The following AGBL4 variants were observed in gnomAD, a reference collection of about 807,000 sequenced individuals.
The protein encoded by AGBL4 is cytosolic carboxypeptidase 6.
Under a neutral mutation model 66.4 loss-of-function variants are expected in AGBL4, and 58 were observed. The ratio of observed to expected loss-of-function variants is 0.87; its 90% CI spans 0.71 to 1.09. AGBL4 has a LOEUF of 1.09. AGBL4 is among the 50% of genes least tolerant of loss of function. The pLI is 0.00. For missense variants in AGBL4, 579 were observed against 631.0 expected, an observed-to-expected ratio of 0.92 and a Z score of 0.88; for synonymous variants, 234 against 222.9, an observed-to-expected ratio of 1.05 and a Z score of -0.44.
At chr1:48,844,286 T>G (rs1307061140) in intron 6 of AGBL4, among the ~76,000 whole-genome samples, 1 of 152,144 alleles carries the variant, frequency 6.6e-6, no homozygotes, top group Non-Finnish European at 1.5e-5. Context: ...TATCCCTCAG[T>G]CCTACATCTC....
chr1:49,497,714 G>T (rs1019233767), intron 3 of AGBL4, among the ~76,000 whole-genome samples: 1 of 151,918 alleles, frequency 6.6e-6, no homozygotes, highest in Non-Finnish European at 1.5e-5. Flanking sequence ...GTTTATTTCT[G>T]GGTTCACTCT....
chr1:49,016,736 G>C (rs1276348615), intron 5 of AGBL4, among the ~76,000 whole-genome samples: 1 of 152,206 alleles, frequency 6.6e-6, no homozygotes, highest in Non-Finnish European at 1.5e-5. Context: ...TGACAGCAGG[G>C]ATCTGCCTTC....
At chr1:48,797,602 T>C (rs1200348219) in intron 6 of AGBL4, among the ~76,000 whole-genome samples, 1 of 152,150 alleles carries the variant, frequency 6.6e-6, no homozygotes, top group East Asian at 1.9e-4. Context: ...TATACCACAT[T>C]ATCTTTTTTT....
At chr1:49,128,645 A>C (rs966842543) in intron 4 of AGBL4, among the ~76,000 whole-genome samples, 1 of 152,096 alleles carries the variant, frequency 6.6e-6, no homozygotes, top group Non-Finnish European at 1.5e-5. Context: ...CGATGATGCT[A>C]GAACAACTGG....
intron 1 of AGBL4, among the ~76,000 whole-genome samples, chr1:49,909,160 C>T (rs1299650049): frequency 5.9e-5 from 9 of 152,242 alleles, no homozygotes; most frequent in Non-Finnish European, 1.0e-4. Flanking sequence ...ACTTACTTCC[C>T]TATGCCTTAT....
chr1:48,890,985 G>A (rs1055018866), intron 5 of AGBL4, among the ~76,000 whole-genome samples: 1 of 152,186 alleles, frequency 6.6e-6, no homozygotes, highest in Non-Finnish European at 1.5e-5. Flanking sequence ...TCCTGGGATC[G>A]TGGCGAAGTG....
chr1:49,697,145 A>C, intron 3 of AGBL4, 168 bp downstream of exon 3: 1 of 654,894 alleles, frequency 1.5e-6, no homozygotes. Context: ...AACAAAAGTC[A>C]ACATATTGTA....
intron 5 of AGBL4, among the ~76,000 whole-genome samples, chr1:48,930,487 T>C (rs1384961958): frequency 6.6e-6 from 1 of 152,116 alleles, no homozygotes; most frequent in Non-Finnish European, 1.5e-5. Context: ...GCAACCTAGA[T>C]AGCCAATACC....
At chr1:48,962,139 A>G (rs537155759) in intron 5 of AGBL4, among the ~76,000 whole-genome samples, 8 of 145,496 alleles carry the variant, frequency 5.5e-5, no homozygotes, top group Non-Finnish European at 1.2e-4. Flanking sequence ...CCATCCATCC[A>G]TCATCCATCC....
intron 9 of AGBL4, among the ~76,000 whole-genome samples, chr1:48,613,854 A>G (rs1645277800): frequency 6.6e-6 from 1 of 152,228 alleles, no homozygotes; most frequent in Admixed American, 6.5e-5. Flanking sequence ...TAACCACAAT[A>G]ATACAGCACA....
At chr1:49,091,055 C>T (rs930381522) in intron 4 of AGBL4, among the ~76,000 whole-genome samples, 1 of 151,996 alleles carries the variant, frequency 6.6e-6, no homozygotes, top group African/African-American at 2.4e-5. Flanking sequence ...TGAAGCTGGA[C>T]CTCTTCCTTA....
chr1:49,081,024 C>T (rs775525501), intron 4 of AGBL4, among the ~76,000 whole-genome samples: 44 of 152,120 alleles, frequency 2.9e-4, no homozygotes, highest in Non-Finnish European at 6.2e-4. Context: ...GGAAACTTCT[C>T]TGAGACACAT....
intron 6 of AGBL4, among the ~76,000 whole-genome samples, chr1:48,809,434 G>T (rs1646000894): frequency 6.6e-6 from 1 of 152,156 alleles, no homozygotes; most frequent in African/African-American, 2.4e-5. Context: ...GTAGGATGGG[G>T]CACTCTCAAA....
intron 3 of AGBL4, among the ~76,000 whole-genome samples, chr1:49,336,445 G>A (rs1261154747): frequency 2.0e-5 from 3 of 152,198 alleles, no homozygotes; most frequent in Non-Finnish European, 2.9e-5. Flanking sequence ...ACACTCTCAC[G>A]GACACAGTGA....
Position 48,653,355 on chromosome 1 carries a change from A to G in AGBL4, c.821T>C (p.Val274Ala). Residue 274 changes from valine to alanine, a missense_variant, in exon 8 of 14, where the codon GTC becomes GCC. By Grantham distance (64) the Val-to-Ala change is moderately conservative. Coordinates refer to ENST00000371839, the MANE Select transcript of AGBL4 (RefSeq NM_032785.4). ...KIAPMLNPDG[V>A]YLGNYRCSLM... ...TCCTTACCTGTAATTGCCCAGGTAG[A>G]CTCCATCAGGATTGAGCATTGGTGC... 2 of 1,579,912 alleles carry G rather than the reference A, an allele frequency of 1.3e-6. No homozygotes were observed. Among genetic ancestry groups the G allele is most frequent in the Admixed American group, 1.8e-5 (1 of 55,276 alleles).
intron 4 of AGBL4, among the ~76,000 whole-genome samples, chr1:49,109,824 A>G (rs532585802): frequency 2.5e-4 from 38 of 152,248 alleles, no homozygotes; most frequent in Admixed American, 2.0e-4. Flanking sequence ...GCATCATCCA[A>G]CATCACAGAT....
intron 4 of AGBL4, among the ~76,000 whole-genome samples, chr1:49,231,826 TTC>T (rs1005260948): frequency 3.3e-5 from 5 of 152,212 alleles, no homozygotes; most frequent in African/African-American, 1.2e-4. Context: ...CATACAGTCA[TTC>T]TGTTTTTCAT....
chr1:49,560,327 A>G (rs1205841689), intron 3 of AGBL4, among the ~76,000 whole-genome samples: 1 of 152,180 alleles, frequency 6.6e-6, no homozygotes, highest in Admixed American at 6.5e-5. Context: ...GAAAAACTCA[A>G]TTCATGTACT....
intron 1 of AGBL4, among the ~76,000 whole-genome samples, chr1:49,948,016 A>ATTTATATATAT (rs1557607752): frequency 1.0e-4 from 3 of 29,820 alleles, no homozygotes; most frequent in African/African-American, 4.8e-4. Flanking sequence ...ATAAATATAT[A>ATTTATATATAT]AATATATATA....
Sources: gnomAD v4.1 joint callset for allele counts (sites outside exome capture counted in the v4.1 genomes callset) on GRCh38, gnomAD v4.1.1 for gene constraint, MANE v1.5 for transcripts, NCBI Gene and HGNC (gene_info 2026-07-23, HGNC 2026-07-21) for gene names.